The following NNMT variants were observed in gnomAD, a reference collection of about 807,000 sequenced individuals.
The protein encoded by NNMT is nicotinamide N-methyltransferase.
A neutral mutation model predicts 11.7 loss-of-function variants in NNMT; 10 were observed. That is an observed-to-expected ratio of 0.85 (90% CI 0.53 to 1.45). The LOEUF (loss-of-function observed/expected upper bound fraction) is 1.45. Among genes scored for constraint, NNMT ranks in the 40% most tolerant of loss-of-function variants. The pLI is 0.00. For missense variants in NNMT, 381 were observed against 319.4 expected (o/e 1.19, Z -1.47); for synonymous variants, 143 against 133.8 (o/e 1.07, Z -0.48).
At chr11:114,279,173 C>T (rs78906875) in intron 2 of NNMT, among the ~76,000 whole-genome samples, 3,602 of 152,210 alleles carry the variant, frequency 0.024, 56 homozygotes, top group Middle Eastern at 0.034. Context: ...ATTGGCCTCA[C>T]GGGAGAGAGG....
intron 2 of NNMT, among the ~76,000 whole-genome samples, chr11:114,303,925 G>A (rs964823748): frequency 3.3e-5 from 5 of 152,106 alleles, no homozygotes; most frequent in African/African-American, 4.8e-5. Flanking sequence ...GCCGGTGAGA[G>A]CCTATTTTCA....
At chr11:114,260,392 C>G (rs1945068756) in intron 1 of NNMT, among the ~76,000 whole-genome samples, 1 of 152,216 alleles carries the variant, frequency 6.6e-6, no homozygotes, top group East Asian at 1.9e-4. Context: ...GCTTTTCTGC[C>G]TCATTCACCT....
intron 2 of NNMT, among the ~76,000 whole-genome samples, chr11:114,283,866 A>G (rs573208270): frequency 6.6e-6 from 1 of 152,322 alleles, no homozygotes; most frequent in African/African-American, 2.4e-5. Context: ...TGAACATAAA[A>G]CGATTTGCTT....
At chr11:114,282,096 C>T (rs1296145494) in intron 2 of NNMT, among the ~76,000 whole-genome samples, 1 of 152,132 alleles carries the variant, frequency 6.6e-6, no homozygotes, top group Non-Finnish European at 1.5e-5. Flanking sequence ...TGGTGGCATG[C>T]ACCTGAAGTC....
upstream of NNMT, among the ~76,000 whole-genome samples, chr11:114,292,748 A>T (rs928385002): frequency 6.6e-6 from 1 of 152,202 alleles, no homozygotes; most frequent in African/African-American, 2.4e-5. Flanking sequence ...AAAAAATCTG[A>T]TTCTGACTGT....
intron 2 of NNMT, among the ~76,000 whole-genome samples, chr11:114,267,365 A>T (rs1565718550): frequency 1.3e-5 from 2 of 152,136 alleles, no homozygotes. Flanking sequence ...GTCATGGTTC[A>T]TGTCCTAGTC....
intron 2 of NNMT, among the ~76,000 whole-genome samples, chr11:114,307,148 AG>A (rs940535424): frequency 6.6e-6 from 1 of 152,172 alleles, no homozygotes; most frequent in African/African-American, 2.4e-5. Context: ...GAAAATTCAC[AG>A]GGCAGGTTAA....
At chr11:114,293,554 C>G (rs117489625), upstream of NNMT, among the ~76,000 whole-genome samples, 129 of 147,290 alleles carry the variant, frequency 8.8e-4, 2 homozygotes, top group South Asian at 0.02. Flanking sequence ...GAGATCATAT[C>G]TCATAGTTTT....
chr11:114,268,667 G>A (rs546503115), intron 2 of NNMT, among the ~76,000 whole-genome samples: 1 of 151,806 alleles, frequency 6.6e-6, no homozygotes, highest in East Asian at 1.9e-4. Flanking sequence ...TACTCGGGAG[G>A]CTGAGGCAGG....
intron 1 of NNMT, among the ~76,000 whole-genome samples, chr11:114,297,712 C>T (rs1316988440): frequency 6.6e-6 from 1 of 152,126 alleles, no homozygotes; most frequent in Non-Finnish European, 1.5e-5. Flanking sequence ...GTCTCATCCT[C>T]CAGGCCTCAA....
At chr11:114,282,279 A>T (rs1431108698) in intron 2 of NNMT, among the ~76,000 whole-genome samples, 5 of 152,218 alleles carry the variant, frequency 3.3e-5, no homozygotes, top group South Asian at 2.1e-4. Flanking sequence ...AACAATAAAA[A>T]AATTAGATTC....
intron 1 of NNMT, among the ~76,000 whole-genome samples, chr11:114,258,600 C>T (rs1398179378): frequency 6.6e-6 from 1 of 152,246 alleles, no homozygotes; most frequent in Non-Finnish European, 1.5e-5. Flanking sequence ...TCACTTCCAT[C>T]CTCTGCTTTG....
At chr11:114,300,441 GTCTA>G (rs1249246546) in intron 2 of NNMT, among the ~76,000 whole-genome samples, 1 of 152,094 alleles carries the variant, frequency 6.6e-6, no homozygotes, top group Non-Finnish European at 1.5e-5. Context: ...TCTGCATATG[GTCTA>G]TCTCAGTAAA....
rs916771610 is a variant in NNMT, at chr11:114,288,417, A to G, written c.-129-8011A>G. Among the ~76,000 whole-genome samples, 8 of 151,048 alleles carry G rather than the reference A, an allele frequency of 5.3e-5. 1 individual carries two copies. The South Asian group carries it at 1.7e-3, about 32-fold the overall frequency. ...TTGGCAAGGATTGTTTTTGTTGTGA[A>G]TGGATATAGAATTTAAGCTTTTTCT... On this transcript the variant is annotated intron_variant, in intron 2 of 4. Transcript: ENST00000535401.
chr11:114,277,469 C>T (rs1275604955), intron 2 of NNMT, among the ~76,000 whole-genome samples: 1 of 152,074 alleles, frequency 6.6e-6, no homozygotes, highest in African/African-American at 2.4e-5. Flanking sequence ...CTAACCCAGT[C>T]TGAGGCAGGG....
rs75835027 is a variant in NNMT at position 114,280,435 on chromosome 11, C to A, written c.-129-15993C>A. Among the ~76,000 whole-genome samples the A allele has an allele frequency of 6.3e-3, 964 of 152,226 alleles. 7 individuals carry two copies. Among genetic ancestry groups the A allele is most frequent in the African/African-American group, 0.02 (849 of 41,536 alleles). ...GGACCAGAGCTCTCCAAAGGTGGAGCAGAGAACACCTCTGAAAGCAGAATC... is the reference window on the plus strand; with the variant it reads ...GGACCAGAGCTCTCCAAAGGTGGAGAAGAGAACACCTCTGAAAGCAGAATC... On this transcript the variant is annotated intron_variant, in intron 2 of 4. Coordinates refer to the NNMT transcript ENST00000535401.
chr11:114,304,926 T>C (rs1945474933), intron 2 of NNMT, among the ~76,000 whole-genome samples: 1 of 152,242 alleles, frequency 6.6e-6, no homozygotes, highest in Admixed American at 6.5e-5. Context: ...AAGATACAAT[T>C]ACTCAAGCTT....
intron 2 of NNMT, among the ~76,000 whole-genome samples, chr11:114,290,273 T>C (rs189021925): frequency 6.6e-6 from 1 of 152,366 alleles, no homozygotes; most frequent in Admixed American, 6.5e-5. Context: ...TGTCTGTTTT[T>C]AATCCTCAAC....
At chr11:114,285,507 C>T (rs1041368198) in intron 2 of NNMT, among the ~76,000 whole-genome samples, 4 of 152,230 alleles carry the variant, frequency 2.6e-5, no homozygotes, top group African/African-American at 9.6e-5. Flanking sequence ...CTGGACTCAC[C>T]ATATGCATCC....
Sources: allele counts gnomAD v4.1 joint callset (sites outside exome capture counted in the v4.1 genomes callset), GRCh38; gene constraint gnomAD v4.1.1; transcripts MANE v1.5; gene names NCBI Gene and HGNC (gene_info 2026-07-23, HGNC 2026-07-21).